Variants in CACNA1D observed in about 807,000 individuals in gnomAD.
The protein encoded by CACNA1D is calcium voltage-gated channel subunit alpha1 D.
Under a neutral mutation model 257.1 loss-of-function variants are expected in CACNA1D, and 55 were observed. The ratio of observed to expected loss-of-function variants is 0.21; its 90% CI spans 0.17 to 0.27. CACNA1D has a LOEUF of 0.27. Ranked by LOEUF, CACNA1D falls within the 10% of genes least tolerant of loss-of-function variation. The pLI, the probability that CACNA1D is intolerant of heterozygous loss-of-function variation, is 1.00. For synonymous variants in CACNA1D, 980 were observed against 1,014.9 expected, an observed-to-expected ratio of 0.97 and a Z score of 0.65; for missense variants, 1,876 against 2,784.0, an observed-to-expected ratio of 0.67 and a Z score of 7.34.
chr3:53,795,910 A>T (rs1228647780), intron 40 of CACNA1D, among the ~76,000 whole-genome samples: 1 of 152,166 alleles, frequency 6.6e-6, no homozygotes, highest in Non-Finnish European at 1.5e-5. Context: ...CTGACTTTTC[A>T]GTGAGGGTTG....
At position 53,723,494 on chromosome 3, in the gene CACNA1D, G is replaced by T. The variant is rs749239307; in HGVS notation, c.1727G>T (p.Ser576Ile). Residue 576 changes from serine to isoleucine, a missense_variant, in exon 13 of 48, where the codon AGC becomes ATC. Ser to Ile is a moderately radical substitution (Grantham distance 142). Coordinates refer to ENST00000350061, the MANE Select transcript of CACNA1D (RefSeq NM_001128840.3). This position sits in a 1 kb window ranked among gnomAD's most constrained non-coding sequence, Gnocchi z 5.6. ...FTCEMLVKMY[S>I]LGLQAYFVSL... is the part of the protein sequence containing the mutation. The stretch of plus-strand genomic sequence containing the variant: ...TGCGAGATGCTGGTAAAAATGTACA[G>T]CTTGGGCCTCCAAGCATATTTCGTC... 4 of 1,614,010 alleles carry T rather than the reference G, an allele frequency of 2.5e-6. No homozygotes were observed.
intron 8 of CACNA1D, among the ~76,000 whole-genome samples, chr3:53,677,797 C>T (rs891065626): frequency 3.3e-5 from 5 of 152,242 alleles, no homozygotes; most frequent in African/African-American, 1.2e-4. Context: ...AGCACACCAG[C>T]TTTAGAATCA....
At chr3:53,747,255 C>T (rs765940177) in intron 25 of CACNA1D, 47 bp from the exon 26 acceptor site, 9 of 1,573,636 alleles carry the variant, frequency 5.7e-6, no homozygotes, top group South Asian at 2.2e-5. Context: ...GCTGCTTCCA[C>T]CTGTCATGTG....
intron 3 of CACNA1D, among the ~76,000 whole-genome samples, chr3:53,576,512 A>G (rs1407474650): frequency 6.6e-6 from 1 of 152,188 alleles, no homozygotes; most frequent in East Asian, 1.9e-4. Context: ...TCAGACTAAT[A>G]GTTTTTCCAG....
chr3:53,769,664 G>A (rs1018818038), intron 30 of CACNA1D, among the ~76,000 whole-genome samples: 8 of 152,220 alleles, frequency 5.3e-5, no homozygotes, highest in Admixed American at 3.9e-4. Flanking sequence ...TAGCCTCCTC[G>A]CGAGAAGCGG....
At chr3:53,526,853 C>A (rs2091784489) in intron 3 of CACNA1D, among the ~76,000 whole-genome samples, 1 of 152,198 alleles carries the variant, frequency 6.6e-6, no homozygotes, top group Non-Finnish European at 1.5e-5. Flanking sequence ...GCATAAGAAG[C>A]AGCTATTGTT....
chr3:53,596,614 C>A (rs1389852922), intron 3 of CACNA1D, among the ~76,000 whole-genome samples: 1 of 152,140 alleles, frequency 6.6e-6, no homozygotes, highest in Non-Finnish European at 1.5e-5. Flanking sequence ...GGAGAAGGAG[C>A]TGCAGTGATG....
intron 39 of CACNA1D, chr3:53,782,232 C>T (rs1227487286): frequency 1.4e-5 from 2 of 138,860 alleles, no homozygotes; most frequent in Non-Finnish European, 3.0e-5. Flanking sequence ...TATATATACA[C>T]ACATACAGTG....
At chr3:53,716,082 A>G (rs1016280148) in intron 9 of CACNA1D, among the ~76,000 whole-genome samples, 1 of 152,262 alleles carries the variant, frequency 6.6e-6, no homozygotes, top group African/African-American at 2.4e-5. Flanking sequence ...AAAAGCCACA[A>G]AGACTTAGTC....
Position 53,623,334 on chromosome 3 carries a change from G to C in CACNA1D, c.484-27445G>C, listed in dbSNP as rs542603591. 3.3e-5 allele frequency among the ~76,000 whole-genome samples: 5 copies of C among 152,280 alleles called. No homozygotes were observed. In the East Asian group the frequency reaches 9.6e-4, roughly 29 times the overall value. Reference sequence around the variant, plus strand: ...CTAGATGGTGATATACATGTGTCAGGGTTTAGGGGTTGAGTGTACAGAGGT... The same window carrying C: ...CTAGATGGTGATATACATGTGTCAGCGTTTAGGGGTTGAGTGTACAGAGGT... On this transcript the variant is annotated intron_variant, in intron 3 of 47. Transcript: ENST00000350061.
intron 7 of CACNA1D, among the ~76,000 whole-genome samples, chr3:53,672,785 T>C (rs2094336686): frequency 6.8e-6 from 1 of 147,726 alleles, no homozygotes. Flanking sequence ...TGTGTGTGTG[T>C]GTGTGTGTGT....
chr3:53,595,726 A>AG (rs1299943226), intron 3 of CACNA1D, among the ~76,000 whole-genome samples: 6 of 152,174 alleles, frequency 3.9e-5, no homozygotes, highest in African/African-American at 7.2e-5. Context: ...AGTTGCAGCA[A>AG]GGGAGATGAG....
chr3:53,645,356 C>T (rs955524671), intron 3 of CACNA1D, among the ~76,000 whole-genome samples: 6 of 152,160 alleles, frequency 3.9e-5, no homozygotes, highest in Non-Finnish European at 8.8e-5. Flanking sequence ...CTTATGTTGC[C>T]TGTGCTTACA....
chr3:53,518,862 A>G (rs192879676), intron 3 of CACNA1D, among the ~76,000 whole-genome samples: 36 of 152,328 alleles, frequency 2.4e-4, no homozygotes, highest in South Asian at 1.2e-3. Flanking sequence ...TCCCAAGCTT[A>G]CTACTTTGAA....
chr3:53,802,012 A>G (rs544565021), intron 42 of CACNA1D, 135 bp from the exon 43 acceptor site: 1 of 798,392 alleles, frequency 1.3e-6, no homozygotes. Context: ...GCCAGGTGGC[A>G]GCCCCTATGT....
intron 5 of CACNA1D, among the ~76,000 whole-genome samples, chr3:53,662,730 G>T (rs2094216996): frequency 6.6e-6 from 1 of 152,170 alleles, no homozygotes; most frequent in African/African-American, 2.4e-5. Context: ...TATGTACAAA[G>T]GAGCGGAATG....
intron 9 of CACNA1D, among the ~76,000 whole-genome samples, chr3:53,712,860 T>TA (rs2094774555): frequency 6.6e-6 from 1 of 152,214 alleles, no homozygotes; most frequent in Non-Finnish European, 1.5e-5. Context: ...TGAATGAGGC[T>TA]ACTAATGGGA....
At chr3:53,760,533 A>C (rs1249383227) in intron 29 of CACNA1D, among the ~76,000 whole-genome samples, 1 of 152,218 alleles carries the variant, frequency 6.6e-6, no homozygotes, top group Non-Finnish European at 1.5e-5. Flanking sequence ...GTTTATAGAC[A>C]GAGCTGTTGA....
At chr3:53,578,044 G>A (rs1011356844) in intron 3 of CACNA1D, among the ~76,000 whole-genome samples, 1 of 152,168 alleles carries the variant, frequency 6.6e-6, no homozygotes, top group Admixed American at 6.5e-5. Context: ...AGCCTCTGCT[G>A]CATACAGAAC....
Sources: gnomAD v4.1 joint callset for allele counts (sites outside exome capture counted in the v4.1 genomes callset) on GRCh38, gnomAD v4.1.1 for gene constraint, Gnocchi (gnomAD v3.1) non-coding constraint, MANE v1.5 for transcripts, NCBI Gene and HGNC (gene_info 2026-07-23, HGNC 2026-07-21) for gene names.